The following RNF17 variants were observed in gnomAD, a reference collection of about 807,000 sequenced individuals.
RNF17 encodes ring finger protein 17.
Under a neutral mutation model 200.5 loss-of-function variants are expected in RNF17, and 31 were observed. That is an observed-to-expected ratio of 0.15 (90% CI 0.12 to 0.21). The LOEUF (loss-of-function observed/expected upper bound fraction) is 0.21, where lower values mean the gene tolerates loss of function less well. RNF17 is among the 10% of genes least tolerant of loss of function. The pLI is 1.00. For missense variants in RNF17, 1,628 were observed against 1,905.1 expected (o/e 0.85, Z 2.71); for synonymous variants, 606 against 637.8 (o/e 0.95, Z 0.75).
At chr13:24,814,554 A>G (rs776079867) in intron 15 of RNF17, among the ~76,000 whole-genome samples, 2 of 152,338 alleles carry the variant, frequency 1.3e-5, no homozygotes, top group Non-Finnish European at 2.9e-5. Context: ...TACAAAGTAT[A>G]AGGTAAGGGC....
At chr13:24,861,128 C>T in intron 26 of RNF17, 140 bp from the exon 27 acceptor site, 1 of 602,978 alleles carries the variant, frequency 1.7e-6, no homozygotes, top group Non-Finnish European at 2.7e-6. Flanking sequence ...ATCCACCCAC[C>T]TCTGCCTCCC....
intron 16 of RNF17, among the ~76,000 whole-genome samples, chr13:24,827,718 CA>C (rs1250308715): frequency 3.7e-5 from 2 of 54,630 alleles, no homozygotes; most frequent in Admixed American, 2.9e-4. Flanking sequence ...AAAAAAAAAA[CA>C]AAAAAAAAAA....
chr13:24,862,322 GAACCTCTC>G (rs1348818020), intron 27 of RNF17, among the ~76,000 whole-genome samples: 27 of 152,290 alleles, frequency 1.8e-4, no homozygotes, highest in Non-Finnish European at 2.9e-4. Context: ...CTCACCATGT[GAACCTCTC>G]AACGCATAAA....
At position 24,859,153 on chromosome 13, in the gene RNF17, G is replaced by A; in HGVS notation, c.3763G>A (p.Gly1255Ser). The A allele has an allele frequency of 1.9e-6, 3 of 1,596,438 alleles. No individual in the cohort carries two copies. The highest frequency in any genetic ancestry group is 2.6e-6 in the Non-Finnish European group (3 of 1,169,876). Residue 1255 changes from glycine to serine, a missense_variant, in exon 26 of 36, where the codon GGC (glycine) becomes AGC (serine). This residue lies in a region of RNF17 where 609 missense variants were observed against 681.9 expected (regional missense o/e 0.89). Coordinates refer to ENST00000255324, the MANE Select transcript of RNF17 (RefSeq NM_031277.3). ...YRGKVMEVVG[G>S]AVRVQYLDHG... ...TGGCAAGGTGATGGAGGTTGTAGGTGGCGCTGTCAGAGTGAGTCTGATATT... is the reference window on the plus strand; with the variant it reads ...TGGCAAGGTGATGGAGGTTGTAGGTAGCGCTGTCAGAGTGAGTCTGATATT...
rs191200226 is a variant in RNF17, at chr13:24,821,273, A to T, written c.2092-4346A>T. Reference sequence around the variant, plus strand: ...AATGACCTCATTTTAACATGATTATAAAGAACCTGTATCGAAATTAGGTCA... The same window carrying T: ...AATGACCTCATTTTAACATGATTATTAAGAACCTGTATCGAAATTAGGTCA... On this transcript the variant is annotated intron_variant, in intron 15 of 35. Coordinates refer to ENST00000255324, the MANE Select transcript of RNF17 (RefSeq NM_031277.3). 3.6e-3 allele frequency among the ~76,000 whole-genome samples: 550 copies of T among 152,316 alleles called. 8 individuals are homozygous for T. Among genetic ancestry groups the T allele is most frequent in the African/African-American group, 0.013 (531 of 41,562 alleles).
chr13:24,856,019 A>G (rs555595400), intron 25 of RNF17, among the ~76,000 whole-genome samples: 2 of 152,068 alleles, frequency 1.3e-5, no homozygotes, highest in East Asian at 3.9e-4. Flanking sequence ...ATCTTCTCTT[A>G]GTTTCTTACT....
chr13:24,825,046 G>A (rs77408046), intron 15 of RNF17, among the ~76,000 whole-genome samples: 1 of 152,070 alleles, frequency 6.6e-6, no homozygotes, highest in East Asian at 1.9e-4. Context: ...AGCAGCATGA[G>A]GATATAACCA....
chr13:24,828,690 T>G (rs1889032917), intron 16 of RNF17, among the ~76,000 whole-genome samples: 1 of 152,114 alleles, frequency 6.6e-6, no homozygotes, highest in African/African-American at 2.4e-5. Flanking sequence ...AATTCTATTG[T>G]GAGTTCATAA....
intron 32 of RNF17, among the ~76,000 whole-genome samples, chr13:24,872,240 G>A (rs1195586301): frequency 2.0e-5 from 3 of 152,222 alleles, no homozygotes; most frequent in Non-Finnish European, 4.4e-5. Flanking sequence ...GATTACAGAC[G>A]TGAGCCTCCG....
intron 22 of RNF17, among the ~76,000 whole-genome samples, chr13:24,848,563 G>A (rs1004384998): frequency 2.0e-5 from 3 of 152,152 alleles, no homozygotes; most frequent in Non-Finnish European, 4.4e-5. Context: ...TTGGGAGGCT[G>A]AGGTAGGGAG....
chr13:24,808,614 TTC>T lies in RNF17; in HGVS notation c.2091+4186_2091+4187del, dbSNP rs1336285203. On this transcript the variant is annotated intron_variant, in intron 15 of 35. Transcript: ENST00000255324. ...AACAGGGACAATTTGACTTCCTCTT[TTC>T]CTAATTGAATACCCTTTATTTCCTT... Among the ~76,000 whole-genome samples the T allele has an allele frequency of 9.0e-4, 96 of 107,134 alleles. 1 individual carries two copies. The highest frequency in any genetic ancestry group is 3.6e-3 in the African/African-American group (93 of 26,060). The allele number at this position is 107,134 out of a possible 152,430, so 70.3% of individuals were successfully genotyped here.
At chr13:24,825,914 A>G (rs1409799452) in intron 16 of RNF17, 142 bp downstream of exon 16, 26 of 1,401,248 alleles carry the variant, frequency 1.9e-5, no homozygotes, top group Non-Finnish European at 1.9e-6. Flanking sequence ...AAAGCTAGTG[A>G]TAATGTTGAA....
upstream of RNF17, among the ~76,000 whole-genome samples, chr13:24,763,248 A>G (rs1051306834): frequency 4.7e-5 from 7 of 148,706 alleles, no homozygotes; most frequent in Non-Finnish European, 4.4e-5. Context: ...TGTCGCCCAG[A>G]CTGGAGTGCA....
At chr13:24,839,760 A>AGT (rs1015725590) in intron 18 of RNF17, among the ~76,000 whole-genome samples, 9 of 152,226 alleles carry the variant, frequency 5.9e-5, no homozygotes, top group African/African-American at 9.6e-5. Context: ...GAAATCTAAC[A>AGT]GTGTAAACTA....
At chr13:24,750,305 C>T in the RNF17 span, among the ~76,000 whole-genome samples, 2 of 152,280 alleles carry the variant, frequency 1.3e-5, no homozygotes, top group African/African-American at 4.8e-5. Flanking sequence ...ATTAAAACAG[C>T]TTTACTGAAA....
At chr13:24,820,602 A>G (rs1340600187) in intron 15 of RNF17, among the ~76,000 whole-genome samples, 2 of 151,216 alleles carry the variant, frequency 1.3e-5, no homozygotes, top group Admixed American at 1.3e-4. Flanking sequence ...CGCCCGGCTA[A>G]TTTTTGTATT....
At chr13:24,758,884 T>C in the RNF17 span, among the ~76,000 whole-genome samples, 1 of 152,096 alleles carries the variant, frequency 6.6e-6, no homozygotes, top group Non-Finnish European at 1.5e-5. Flanking sequence ...AAGACCATCC[T>C]GGCCAACATC....
rs57755622 is a variant in RNF17, at chr13:24,764,888, GGTGTGTGTGTGT to G, written c.130+580_130+591del. 9.5e-3 allele frequency among the ~76,000 whole-genome samples: 1,271 copies of G among 134,160 alleles called. 29 individuals are homozygous for G. Among genetic ancestry groups the G allele is most frequent in the African/African-American group, 0.033 (1,184 of 35,508 alleles). The allele number at this position is 134,160 out of a possible 152,430, so 88.0% of individuals were successfully genotyped here. On this transcript the variant is annotated intron_variant, in intron 1 of 35. Coordinates refer to ENST00000255324, the MANE Select transcript of RNF17 (RefSeq NM_031277.3). ...ATAGTTTCTTTTGTGCACCTTGTGG[GGTGTGTGTGTGT>G]GTGTGTGTGTGTGTGTGTGTGTGTT...
chr13:24,852,672 G>C (rs1892072115), intron 24 of RNF17, among the ~76,000 whole-genome samples: 1 of 152,164 alleles, frequency 6.6e-6, no homozygotes. Context: ...GATTGCCCGG[G>C]CTTTGGCATA....
Sources: gnomAD v4.1 joint callset for allele counts (sites outside exome capture counted in the v4.1 genomes callset) on GRCh38, gnomAD v4.1.1 for gene constraint, gnomAD v4.1.1 regional missense constraint, MANE v1.5 for transcripts, NCBI Gene and HGNC (gene_info 2026-07-23, HGNC 2026-07-21) for gene names.